The following MEIOB variants were observed in gnomAD, a reference collection of about 807,000 sequenced individuals.
MEIOB encodes the protein meiosis specific with OB-fold, also known as meiosis-specific with OB domain-containing protein.
MEIOB carries 50 observed loss-of-function variants against 53.1 expected under a neutral mutation model. The ratio of observed to expected loss-of-function variants is 0.94; its 90% confidence interval spans 0.75 to 1.19. The LOEUF is 1.19. Ranked by LOEUF, MEIOB falls within the 50% of genes most tolerant of loss-of-function variation. The pLI, the probability that MEIOB is intolerant of heterozygous loss-of-function variation, is 0.00. For missense variants in MEIOB, 551 were observed against 550.8 expected, an observed-to-expected ratio of 1.00 and a Z score of 0.00; for synonymous variants, 192 against 182.5, an observed-to-expected ratio of 1.05 and a Z score of -0.42.
intron 3 of MEIOB, among the ~76,000 whole-genome samples, chr16:1,863,095 A>C (rs1389256982): frequency 6.6e-6 from 1 of 151,644 alleles, no homozygotes; most frequent in African/African-American, 2.4e-5. Context: ...GGTGGCACTC[A>C]TCTTTAGTCT....
chr16:1,848,223 G>A (rs1231560420), intron 9 of MEIOB, among the ~76,000 whole-genome samples: 1 of 152,054 alleles, frequency 6.6e-6, no homozygotes, highest in Non-Finnish European at 1.5e-5. Flanking sequence ...ATCAGTGACT[G>A]CTACTGATAT....
intron 3 of MEIOB, among the ~76,000 whole-genome samples, chr16:1,862,564 G>A (rs368475545): frequency 1.1e-4 from 17 of 152,270 alleles, no homozygotes; most frequent in East Asian, 9.6e-4. Flanking sequence ...AGGCTTCAGC[G>A]AACTGTGATT....
intron 10 of MEIOB, among the ~76,000 whole-genome samples, chr16:1,842,520 G>A (rs1014226090): frequency 4.0e-5 from 6 of 149,040 alleles, no homozygotes; most frequent in African/African-American, 1.5e-4. Context: ...CTACTCAGGA[G>A]GCTAAGGCAG....
intron 4 of MEIOB, 124 bp downstream of exon 4, chr16:1,861,861 T>C: frequency 9.5e-7 from 1 of 1,048,512 alleles, no homozygotes; most frequent in Non-Finnish European, 1.4e-6. Context: ...ACTTGACTTT[T>C]TCTGATAAAG....
intron 11 of MEIOB, among the ~76,000 whole-genome samples, chr16:1,840,808 C>A (rs978471597): frequency 2.6e-5 from 4 of 152,096 alleles, no homozygotes; most frequent in Admixed American, 2.0e-4. Flanking sequence ...CCTTGGCCTC[C>A]CAAAGTGCTG....
At chr16:1,868,780 G>A (rs562173517) in intron 1 of MEIOB, among the ~76,000 whole-genome samples, 82 of 151,882 alleles carry the variant, frequency 5.4e-4, no homozygotes, top group South Asian at 6.2e-4. Context: ...GCGTGAACCC[G>A]GGAGGCGGAG....
chr16:1,862,089 C>T lies in MEIOB; in HGVS notation c.155G>A (p.Ser52Asn). 1 of 1,551,316 alleles carries T rather than the reference C, an allele frequency of 6.4e-7. No individual in the cohort carries two copies. Residue 52 changes from serine (S) to asparagine (N), a missense_variant, in exon 4 of 14, where the codon AGC (serine) becomes AAC (asparagine). Physicochemically the swap from Ser to Asn is conservative, Grantham distance 46. Transcript: ENST00000325962. ...TGCTGGTGAATCCCGAATGGTGAAG[C>T]TGAAAGTGTACCTTTCTGATCCAAT... is the stretch of plus-strand genomic sequence containing the variant. ...KNIGSERYTF[S>N]FTIRDSPAHF...
intron 12 of MEIOB, among the ~76,000 whole-genome samples, chr16:1,838,649 C>T (rs947935778): frequency 2.6e-5 from 4 of 152,018 alleles, no homozygotes; most frequent in African/African-American, 9.7e-5. Flanking sequence ...TTTTACCCAT[C>T]GTTACTTGAC....
intron 9 of MEIOB, among the ~76,000 whole-genome samples, 191 bp from the exon 10 acceptor site, chr16:1,845,154 C>A (rs1002074316): frequency 2.0e-5 from 3 of 152,202 alleles, no homozygotes; most frequent in African/African-American, 7.2e-5. Context: ...CACATTACAT[C>A]TAAAACAGAT....
At chr16:1,848,447 T>C (rs1899075908) in intron 9 of MEIOB, among the ~76,000 whole-genome samples, 1 of 151,642 alleles carries the variant, frequency 6.6e-6, no homozygotes. Context: ...AAAACTTCCC[T>C]CTTTTCCTCC....
At chr16:1,850,203 A>T (rs1009313725) in intron 9 of MEIOB, among the ~76,000 whole-genome samples, 3 of 152,150 alleles carry the variant, frequency 2.0e-5, no homozygotes, top group African/African-American at 7.2e-5. Flanking sequence ...TTTCCATCAG[A>T]CAAATCTGTC....
Position 1,869,026 on chromosome 16 carries a change from G to T in MEIOB, c.-9-842C>A, listed in dbSNP as rs1047022862. Among the ~76,000 whole-genome samples, 11 of 152,112 alleles carry T rather than the reference G, an allele frequency of 7.2e-5. No individual in the cohort carries two copies. The East Asian group carries it at 2.1e-3, about 29-fold the overall frequency. ...ATTTTGAATGATATAGCTATTATAG[G>T]TTTCAATTTTTAACTTTCATTTCTA... On this transcript the variant is annotated intron_variant, in intron 1 of 13. Coordinates refer to ENST00000325962, the MANE Select transcript of MEIOB (RefSeq NM_001163560.3).
At chr16:1,865,726 T>C in intron 3 of MEIOB, 52 bp downstream of exon 3, 1 of 1,323,280 alleles carries the variant, frequency 7.6e-7, no homozygotes, top group Non-Finnish European at 1.0e-6. Flanking sequence ...TTTGTTGTAG[T>C]CATAAGCCAA....
At chr16:1,845,110 ATG>A in intron 9 of MEIOB, 147 bp from the exon 10 acceptor site, 1 of 545,044 alleles carries the variant, frequency 1.8e-6, no homozygotes, top group South Asian at 2.4e-5. Flanking sequence ...TAACAATGTG[ATG>A]TAGAATTCTG....
rs925598316 is a variant in MEIOB at position 1,854,047 on chromosome 16, T to A, written c.629+53A>T. On this transcript the variant is annotated intron_variant, in intron 7 of 13. Coordinates refer to ENST00000325962, the MANE Select transcript of MEIOB (RefSeq NM_001163560.3). Reference sequence around the variant, plus strand: ...TCATATTTTTGATAAAATGAAAATGTCCTGGTGATAACTACAGGGATTTCA... The same window carrying A: ...TCATATTTTTGATAAAATGAAAATGACCTGGTGATAACTACAGGGATTTCA... 22 of 988,608 alleles carry A rather than the reference T, an allele frequency of 2.2e-5. No individual in the cohort carries two copies. In the African/African-American group the frequency reaches 3.6e-4, roughly 16 times the overall value. The allele number at this position is 988,608 out of a possible 1,614,324, so 61.2% of individuals were successfully genotyped here. A position where few individuals can be genotyped will look rare whatever the true frequency, so the allele number is the denominator to read the frequency against.
At chr16:1,855,107 G>C (rs1422278734) in intron 6 of MEIOB, among the ~76,000 whole-genome samples, 1 of 152,230 alleles carries the variant, frequency 6.6e-6, no homozygotes, top group South Asian at 2.1e-4. Context: ...AACGCCAGTG[G>C]GGGTGAGAGG....
chr16:1,865,680 T>TA, intron 3 of MEIOB, 98 bp downstream of exon 3: 1 of 855,720 alleles, frequency 1.2e-6, no homozygotes, highest in Non-Finnish European at 1.8e-6. Flanking sequence ...CTTAAGGAGT[T>TA]AAACAGGCAT....
chr16:1,856,351 G>T (rs7187053), intron 6 of MEIOB, among the ~76,000 whole-genome samples: 2 of 142,308 alleles, frequency 1.4e-5, no homozygotes, highest in South Asian at 2.2e-4. Flanking sequence ...TCGGAGTCTC[G>T]CTCTGTCGCC....
Position 1,857,839 on chromosome 16 carries a change from A to T in MEIOB, c.424T>A (p.Leu142Ile). ...VDTKLLSLIH[L>I]PVKESHDYYS... is the part of the protein sequence containing the mutation. ...TAATCATGAGACTCTTTAACAGGTAAATGTATCAAAGAAAGTAACTTTGTG... is the reference window on the plus strand; with the variant it reads ...TAATCATGAGACTCTTTAACAGGTATATGTATCAAAGAAAGTAACTTTGTG... Residue 142 changes from leucine (L) to isoleucine (I), a missense_variant, in exon 6 of 14, where the codon TTA becomes ATA. Transcript: ENST00000325962. 1 of 1,551,084 alleles carries T rather than the reference A, an allele frequency of 6.4e-7. No homozygotes were observed. The highest frequency in any genetic ancestry group is 8.7e-7 in the Non-Finnish European group (1 of 1,146,268).
Sources: allele counts gnomAD v4.1 joint callset (sites outside exome capture counted in the v4.1 genomes callset), GRCh38; gene constraint gnomAD v4.1.1; transcripts MANE v1.5; gene names NCBI Gene and HGNC (gene_info 2026-07-23, HGNC 2026-07-21).